The following AMER2 variants were observed in gnomAD, a reference collection of about 807,000 sequenced individuals.
AMER2 encodes the protein APC membrane recruitment protein 2, also known as family with sequence similarity 123A.
Under a neutral mutation model 4.7 loss-of-function variants are expected in AMER2, and 1 was observed. The ratio of observed to expected loss-of-function variants is 0.21; its 90% CI spans 0.07 to 1.00. The LOEUF (loss-of-function observed/expected upper bound fraction) is 1.00, where lower values mean the gene tolerates loss of function less well. Among genes scored for constraint, AMER2 ranks in the 50% least tolerant of loss-of-function variants. The pLI is 0.60. For synonymous variants in AMER2, 485 were observed against 433.3 expected (o/e 1.12, Z -1.48); for missense variants, 988 against 966.9 (o/e 1.02, Z -0.29).
rs2137436451 is a variant in AMER2 at position 25,167,175 on chromosome 13, T to C, written c.*2429A>G. On this transcript the variant is annotated 3_prime_UTR_variant, in exon 1 of 1. Transcript: ENST00000515384. ...TTTCTTCTACTGCTTAAGAAATAGATTGCCTTTACTATTACAATATTCTCA... is the reference window on the plus strand; with the variant it reads ...TTTCTTCTACTGCTTAAGAAATAGACTGCCTTTACTATTACAATATTCTCA... 1 of 152,288 alleles carries C rather than the reference T, an allele frequency of 6.6e-6. No individual in the cohort carries two copies. The highest frequency in any genetic ancestry group is 3.4e-3 in the Middle Eastern group (1 of 294). The allele number at this position is 152,288 out of a possible 1,614,324, so 9.4% of individuals were successfully genotyped here. A position where few individuals can be genotyped will look rare whatever the true frequency, so the allele number is the denominator to read the frequency against.
In AMER2 at chr13:25,169,514, T is replaced by C; in HGVS notation, c.*90A>G. 42 of 1,489,736 alleles carry C rather than the reference T, an allele frequency of 2.8e-5. No homozygotes were observed. Among genetic ancestry groups the C allele is most frequent in the Non-Finnish European group, 3.7e-5 (41 of 1,121,306 alleles). The allele number at this position is 1,489,736 out of a possible 1,614,324, so 92.3% of individuals were successfully genotyped here. ...GGACGGGTGGTGTCCTAAAAGACTTTCTTTAGGAAAAGCAAAACTTACTTT... is the reference window on the plus strand; with the variant it reads ...GGACGGGTGGTGTCCTAAAAGACTTCCTTTAGGAAAAGCAAAACTTACTTT... On this transcript the variant is annotated 3_prime_UTR_variant, in exon 1 of 1. Transcript: ENST00000515384. The surrounding 1 kb of genome is among the most constrained non-coding windows in gnomAD (Gnocchi z 4.2).
rs377253214 is a variant in AMER2, at chr13:25,170,446, C to A, written c.1174G>T (p.Ala392Ser). ...GDIIADQEEE[A>S]GPSCDKHVPG... The stretch of plus-strand genomic sequence containing the variant: ...ACATGCTTGTCACAGCTGGGACCTG[C>A]CTCTTCCTCTTGGTCTGCAATAATA... Residue 392 changes from alanine (A) to serine (S), a missense_variant, in exon 1 of 1, where the codon GCA becomes TCA. Ala to Ser is a moderately conservative substitution (Grantham distance 99, BLOSUM62 1). Transcript: ENST00000515384. The surrounding 1 kb of genome is among the most constrained non-coding windows in gnomAD (Gnocchi z 7.3). The A allele has an allele frequency of 3.7e-6, 6 of 1,614,086 alleles. No homozygotes were observed. The highest frequency in any genetic ancestry group is 5.1e-6 in the Non-Finnish European group (6 of 1,180,046).
chr13:25,164,573 G>A lies in AMER2; in HGVS notation c.*5031C>T, dbSNP rs1249095428. 6.7e-6 allele frequency: 1 copy of A among 148,590 alleles called. No homozygotes were observed. The highest frequency in any genetic ancestry group is 2.5e-5 in the African/African-American group (1 of 39,736). 9.2% of individuals were successfully genotyped at this position (148,590 alleles called of 1,614,324 possible). ...TTTATATCCCTGTCCTAGAGACTAGGGGAAAAGAGAGAGAGAGACAGACAG... is the reference window on the plus strand; with the variant it reads ...TTTATATCCCTGTCCTAGAGACTAGAGGAAAAGAGAGAGAGAGACAGACAG... On this transcript the variant is annotated 3_prime_UTR_variant, in exon 1 of 1. Transcript: ENST00000515384.
rs750864496 is a variant in AMER2, at chr13:25,170,310, T to C, written c.1310A>G (p.Gln437Arg). 18 of 1,613,806 alleles carry C rather than the reference T, an allele frequency of 1.1e-5. No homozygotes were observed. Among genetic ancestry groups the C allele is most frequent in the Non-Finnish European group, 1.4e-5 (17 of 1,179,996 alleles). Residue 437 changes from glutamine (Q) to arginine (R), a missense_variant, in exon 1 of 1, where the codon CAG becomes CGG. Physicochemically the swap from Gln to Arg is conservative, Grantham distance 43. Coordinates refer to ENST00000515384, the MANE Select transcript of AMER2 (RefSeq NM_152704.4). This position sits in a 1 kb window ranked among gnomAD's most constrained non-coding sequence, Gnocchi z 7.3. ...SPDEVDDTYL[Q>R]EFWDMLSQTE... The stretch of plus-strand genomic sequence containing the variant: ...CTGGGAGAGCATGTCCCAGAACTCC[T>C]GTAGATAGGTGTCGTCCACCTCGTC...
At position 25,167,169 on chromosome 13, in the gene AMER2, A is replaced by G. The variant is rs1484235084; in HGVS notation, c.*2435T>C. ...AAAACTTTTCTTCTACTGCTTAAGA[A>G]ATAGATTGCCTTTACTATTACAATA... On this transcript the variant is annotated 3_prime_UTR_variant, in exon 1 of 1. Transcript: ENST00000515384. 1.3e-5 allele frequency: 2 copies of G among 152,206 alleles called. No individual in the cohort carries two copies. The highest frequency in any genetic ancestry group is 2.9e-5 in the Non-Finnish European group (2 of 68,020). 9.4% of individuals were successfully genotyped at this position (152,206 alleles called of 1,614,324 possible).
Position 25,169,934 on chromosome 13 carries a change from C to A in AMER2, c.1686G>T (p.Pro562=). 6.2e-7 allele frequency: 1 copy of A among 1,614,138 alleles called. No homozygotes were observed. Among genetic ancestry groups the A allele is most frequent in the Admixed American group, 1.7e-5 (1 of 60,026 alleles). ...GDALYDLYAD[P]DGSPATLPGG... is the part of the protein sequence containing the mutation. ...CAGGAAGGGTTGCTGGACTTCCGTC[C>A]GGGTCAGCATAGAGATCATAGAGCG... Residue 562 remains proline, a synonymous_variant, in exon 1 of 1, where the codon CCG becomes CCT. Transcript: ENST00000515384. The surrounding 1 kb of genome is among the most constrained non-coding windows in gnomAD (Gnocchi z 4.2).
chr13:25,168,351 A>G lies in AMER2; in HGVS notation c.*1253T>C, dbSNP rs1956503337. On this transcript the variant is annotated 3_prime_UTR_variant, in exon 1 of 1. Transcript: ENST00000515384. ...ATGATGTGAAAAACTGTATCTTTCT[A>G]TTGTTTTTCTTTATGTGTTCCTCAT... 6.6e-6 allele frequency: 1 copy of G among 152,136 alleles called. No individual in the cohort carries two copies. Among genetic ancestry groups the G allele is most frequent in the Non-Finnish European group, 1.5e-5 (1 of 68,010 alleles). The allele number at this position is 152,136 out of a possible 1,614,324, so 9.4% of individuals were successfully genotyped here. A position where few individuals can be genotyped will look rare whatever the true frequency, so the allele number is the denominator to read the frequency against.
At position 25,170,349 on chromosome 13, in the gene AMER2, T is replaced by C. The variant is rs746909586; in HGVS notation, c.1271A>G (p.Glu424Gly). The change falls in exon 1 of 1, where the codon GAG (glutamate) becomes GGG (glycine). Residue 424 changes from glutamate (E) to glycine (G), a missense_variant. Coordinates refer to ENST00000515384, the MANE Select transcript of AMER2 (RefSeq NM_152704.4). The surrounding 1 kb of genome is among the most constrained non-coding windows in gnomAD (Gnocchi z 7.3). The stretch of plus-strand genomic sequence containing the variant: ...GTCCACCTCGTCCGGGCTGGCCATC[T>C]CTTCCCCGCCTCCTTGGTAGGCCAC... ...GVVAYQGGGE[E>G]MASPDEVDDT... The C allele has an allele frequency of 6.2e-7, 1 of 1,614,076 alleles. No individual in the cohort carries two copies. Among genetic ancestry groups the C allele is most frequent in the South Asian group, 1.1e-5 (1 of 91,062 alleles).
Position 25,170,925 on chromosome 13 carries a change from G to C in AMER2, c.695C>G (p.Ala232Gly). The change falls in exon 1 of 1, where the codon GCC becomes GGC. Residue 232 changes from alanine to glycine, a missense_variant. Transcript: ENST00000515384. This position sits in a 1 kb window ranked among gnomAD's most constrained non-coding sequence, Gnocchi z 7.3. Reference sequence around the variant, plus strand: ...CTCCTCCTTGACGCACTCCAGGCTGGCGGTGAGCGAGCCGGGTAGGATCAA... The same window carrying C: ...CTCCTCCTTGACGCACTCCAGGCTGCCGGTGAGCGAGCCGGGTAGGATCAA... ...GGLILPGSLT[A>G]SLECVKEETP... The C allele has an allele frequency of 6.7e-7, 1 of 1,488,582 alleles. No homozygotes were observed. The highest frequency in any genetic ancestry group is 2.7e-5 in the East Asian group (1 of 36,764). 92.2% of individuals were successfully genotyped at this position (1,488,582 alleles called of 1,614,324 possible).
chr13:25,167,079 C>T lies in AMER2; in HGVS notation c.*2525G>A, dbSNP rs1450191563. ...TAAACTTTGCTCACGTGTTCCTTTT[C>T]TTATAAAGAGGAGACACAGCATAAT... On this transcript the variant is annotated 3_prime_UTR_variant, in exon 1 of 1. Transcript: ENST00000515384. The T allele has an allele frequency of 6.6e-6, 1 of 152,138 alleles. No homozygotes were observed. The highest frequency in any genetic ancestry group is 1.9e-4 in the East Asian group (1 of 5,204). 9.4% of individuals were successfully genotyped at this position (152,138 alleles called of 1,614,324 possible).
rs1399082611 is a variant in AMER2 at position 25,171,032 on chromosome 13, C to G, written c.588G>C (p.Gly196=). 1.3e-6 allele frequency: 2 copies of G among 1,572,916 alleles called. No individual in the cohort carries two copies. The highest frequency in any genetic ancestry group is 2.5e-5 in the East Asian group (1 of 39,440). The change falls in exon 1 of 1, where the codon GGG becomes GGC. Residue 196 remains glycine (G), a synonymous_variant. Transcript: ENST00000515384. This position sits in a 1 kb window ranked among gnomAD's most constrained non-coding sequence, Gnocchi z 5.9. ...TGTGCCAGCGCATGCCGCTGAACAG[C>G]CCCCGCAGCCCCCGCTTTTGTTTGC... ...AGGKQKRGLR[G]LFSGMRWHRK...
chr13:25,162,513 T>A lies in AMER2; in HGVS notation c.*7091A>T, dbSNP rs1193288590. The A allele has an allele frequency of 6.6e-6, 1 of 152,212 alleles. No homozygotes were observed. The highest frequency in any genetic ancestry group is 1.5e-5 in the Non-Finnish European group (1 of 68,030). 9.4% of individuals were successfully genotyped at this position (152,212 alleles called of 1,614,324 possible). On this transcript the variant is annotated 3_prime_UTR_variant, in exon 1 of 1. Transcript: ENST00000515384. ...CTCCTCCTTTATTTAGAAATAAATG[T>A]GTAGTGGGGACCAGTGGTTGTAATG...
rs368035363 is a variant in AMER2 at position 25,171,531 on chromosome 13, G to T, written c.89C>A (p.Ala30Glu). 1 of 1,590,512 alleles carries T rather than the reference G, an allele frequency of 6.3e-7. No individual in the cohort carries two copies. Among genetic ancestry groups the T allele is most frequent in the Non-Finnish European group, 8.5e-7 (1 of 1,174,392 alleles). Residue 30 changes from alanine to glutamate, a missense_variant, in exon 1 of 1, where the codon GCG becomes GAG. Physicochemically the swap from Ala to Glu is moderately radical, Grantham distance 107. Coordinates refer to ENST00000515384, the MANE Select transcript of AMER2 (RefSeq NM_152704.4). The surrounding 1 kb of genome is among the most constrained non-coding windows in gnomAD (Gnocchi z 5.9). ...GGTCCCGGTCCCGGCCCCGGCCTCC[G>T]CCTTCCTCCTGCAGACCCCCACGGA... ...GASVGVCRRK[A>E]EAGAGTGTLA...
At position 25,166,760 on chromosome 13, in the gene AMER2, G is replaced by GA. The variant is rs1180756143; in HGVS notation, c.*2843dup. The GA allele has an allele frequency of 3.3e-5, 5 of 152,056 alleles. No homozygotes were observed. Among genetic ancestry groups the GA allele is most frequent in the Non-Finnish European group, 7.4e-5 (5 of 67,992 alleles). The allele number at this position is 152,056 out of a possible 1,614,324, so 9.4% of individuals were successfully genotyped here. On this transcript the variant is annotated 3_prime_UTR_variant, in exon 1 of 1. Coordinates refer to ENST00000515384, the MANE Select transcript of AMER2 (RefSeq NM_152704.4). ...GGAATGTAAATCTAGGAAAATTCTT[G>GA]AAAAAACAATCTCCATGAACACAAA... is the stretch of plus-strand genomic sequence containing the variant.
rs1327664556 is a variant in AMER2, at chr13:25,166,132, A to G, written c.*3472T>C. 3 of 152,264 alleles carry G rather than the reference A, an allele frequency of 2.0e-5. No individual in the cohort carries two copies. The highest frequency in any genetic ancestry group is 2.0e-4 in the Admixed American group (3 of 15,290). The allele number at this position is 152,264 out of a possible 1,614,324, so 9.4% of individuals were successfully genotyped here. ...TACTTGAAGACTACCTCTGAGATGA[A>G]GAAATAAATCCTTTAAACACGGTGA... On this transcript the variant is annotated 3_prime_UTR_variant, in exon 1 of 1. Transcript: ENST00000515384.
Position 25,169,684 on chromosome 13 carries a change from C to A in AMER2, c.1936G>T (p.Val646Phe). Residue 646 changes from valine to phenylalanine, a missense_variant, in exon 1 of 1, where the codon GTC becomes TTC. By Grantham distance (50) the Val-to-Phe change is conservative. Coordinates refer to ENST00000515384, the MANE Select transcript of AMER2 (RefSeq NM_152704.4). This position sits in a 1 kb window ranked among gnomAD's most constrained non-coding sequence, Gnocchi z 4.2. Reference sequence around the variant, plus strand: ...AAGCCCCGGTTGCTGACTCTGCGGACCAGCACTTTGGAAACCGGGATTTTT... The same window carrying A: ...AAGCCCCGGTTGCTGACTCTGCGGAACAGCACTTTGGAAACCGGGATTTTT... ...RTKIPVSKVL[V>F]RRVSNRGLAG... 1 of 1,614,082 alleles carries A rather than the reference C, an allele frequency of 6.2e-7. No homozygotes were observed. The highest frequency in any genetic ancestry group is 8.5e-7 in the Non-Finnish European group (1 of 1,179,984).
At position 25,170,231 on chromosome 13, in the gene AMER2, C is replaced by T; in HGVS notation, c.1389G>A (p.Ala463=). ...TCTCGGGCACCACCTTGGTTTCCAGCGCAGCTGCCACCTTAGCCGCGCCCT... is the reference window on the plus strand; with the variant it reads ...TCTCGGGCACCACCTTGGTTTCCAGTGCAGCTGCCACCTTAGCCGCGCCCT... ...PQEGAAKVAA[A]LETKVVPETP... The change falls in exon 1 of 1, where the codon GCG becomes GCA. Residue 463 remains alanine (A), a synonymous_variant. Coordinates refer to ENST00000515384, the MANE Select transcript of AMER2 (RefSeq NM_152704.4). This position sits in a 1 kb window ranked among gnomAD's most constrained non-coding sequence, Gnocchi z 7.3. 2 of 1,612,096 alleles carry T rather than the reference C, an allele frequency of 1.2e-6. No individual in the cohort carries two copies. Among genetic ancestry groups the T allele is most frequent in the Non-Finnish European group, 1.7e-6 (2 of 1,179,080 alleles).
At position 25,171,778 on chromosome 13, in the gene AMER2, C is replaced by G; in HGVS notation, c.-159G>C. 7.6e-7 allele frequency: 1 copy of G among 1,323,384 alleles called. No individual in the cohort carries two copies. The allele number at this position is 1,323,384 out of a possible 1,614,324, so 82.0% of individuals were successfully genotyped here. On this transcript the variant is annotated 5_prime_UTR_variant, in exon 1 of 1. Coordinates refer to ENST00000515384, the MANE Select transcript of AMER2 (RefSeq NM_152704.4). The surrounding 1 kb of genome is among the most constrained non-coding windows in gnomAD (Gnocchi z 5.9). ...CCTCCCGCAAGGGCTTATATAATACCCTAACCCACTTCCATCCGACTTGGC... is the reference window on the plus strand; with the variant it reads ...CCTCCCGCAAGGGCTTATATAATACGCTAACCCACTTCCATCCGACTTGGC...
Position 25,169,657 on chromosome 13 carries a change from C to T in AMER2, c.1963G>A (p.Ala655Thr). ...GCCGTTGCTCTGATGGTGGTCCCAGCCAAGCCCCGGTTGCTGACTCTGCGG... is the reference window on the plus strand; with the variant it reads ...GCCGTTGCTCTGATGGTGGTCCCAGTCAAGCCCCGGTTGCTGACTCTGCGG... Reference protein sequence around the residue: ...LVRRVSNRGLAGTTIRATACH... With the variant: ...LVRRVSNRGLTGTTIRATACH... The change falls in exon 1 of 1, where the codon GCT becomes ACT. Residue 655 changes from alanine (A) to threonine (T), a missense_variant. Transcript: ENST00000515384. The surrounding 1 kb of genome is among the most constrained non-coding windows in gnomAD (Gnocchi z 4.2). 1.2e-6 allele frequency: 2 copies of T among 1,611,646 alleles called. No homozygotes were observed. The highest frequency in any genetic ancestry group is 2.2e-5 in the East Asian group (1 of 44,876).
Sources: gnomAD v4.1 joint callset for allele counts on GRCh38, gnomAD v4.1.1 for gene constraint, Gnocchi (gnomAD v3.1) non-coding constraint, MANE v1.5 for transcripts, NCBI Gene and HGNC (gene_info 2026-07-23, HGNC 2026-07-21) for gene names.